The following PDXDC1 variants were observed in gnomAD, a reference collection of about 807,000 sequenced individuals.
PDXDC1 encodes pyridoxal dependent decarboxylase domain containing 1, also known as pyridoxal-dependent decarboxylase domain-containing protein 1.
Under a neutral mutation model 100.1 loss-of-function variants are expected in PDXDC1, and 42 were observed. That is an observed-to-expected ratio of 0.42 (90% CI 0.33 to 0.54). PDXDC1 has a LOEUF of 0.54. PDXDC1 is among the 20% of genes least tolerant of loss of function. The probability of loss-of-function intolerance (pLI) is 0.10; values close to 1 mark genes in which losing one functional copy is unlikely to be tolerated. For missense variants in PDXDC1, 636 were observed against 979.2 expected, an observed-to-expected ratio of 0.65 and a Z score of 4.68; for synonymous variants, 260 against 371.7, an observed-to-expected ratio of 0.70 and a Z score of 3.46.
chr16:14,983,970 C>T (rs1438991744), intron 1 of PDXDC1, among the ~76,000 whole-genome samples: 1 of 152,362 alleles, frequency 6.6e-6, no homozygotes, highest in Non-Finnish European at 1.5e-5. Flanking sequence ...TGAGGGCAGC[C>T]AGGGCAACAC....
chr16:15,083,865 C>T lies in PDXDC1; in HGVS notation c.1399+53809C>T, dbSNP rs533252380. ...CCAAACAGCTGGGATTACAGGCATG[C>T]GCCACCATGCCCAGCTAATTTTGTA... is the stretch of plus-strand genomic sequence containing the variant. On this transcript the variant is annotated intron_variant, in intron 16 of 16. Coordinates refer to the PDXDC1 transcript ENST00000535621. 5.5e-4 allele frequency: 170 copies of T among 311,816 alleles called. 1 individual carries two copies. The highest frequency in any genetic ancestry group is 3.4e-3 in the South Asian group (109 of 31,754). 19.3% of individuals were successfully genotyped at this position (311,816 alleles called of 1,614,324 possible).
At chr16:14,991,113 C>T (rs1454711941) in intron 1 of PDXDC1, among the ~76,000 whole-genome samples, 1 of 152,288 alleles carries the variant, frequency 6.6e-6, no homozygotes, top group Non-Finnish European at 1.5e-5. Flanking sequence ...GTCAGAGATT[C>T]ACCTGGGGAT....
chr16:15,027,738 G>A (rs1317627753), intron 14 of PDXDC1, among the ~76,000 whole-genome samples: 9 of 152,286 alleles, frequency 5.9e-5, no homozygotes, highest in Non-Finnish European at 8.8e-5. Context: ...ATGACCAGCC[G>A]CTTGTGTCTT....
intron 10 of PDXDC1, 60 bp from the exon 11 acceptor site, chr16:15,017,261 G>C (rs1318991758): frequency 1.2e-6 from 2 of 1,601,664 alleles, no homozygotes; most frequent in Non-Finnish European, 1.7e-6. Context: ...TATGAATGGA[G>C]GAGGGTGTTA....
At chr16:15,109,601 G>A (rs892762697) in intron 16 of PDXDC1, among the ~76,000 whole-genome samples, 2 of 129,810 alleles carry the variant, frequency 1.5e-5, no homozygotes, top group Non-Finnish European at 3.2e-5. Flanking sequence ...AGGTTGCAGT[G>A]AGCCAAGATC....
chr16:15,144,102 G>A (rs923998960), downstream of PDXDC1, among the ~76,000 whole-genome samples: 8 of 152,278 alleles, frequency 5.3e-5, no homozygotes, highest in Admixed American at 6.5e-5. Context: ...TCTCCTGGAG[G>A]AGCCGGTTCC....
chr16:14,993,038 C>T (rs1281554139), intron 1 of PDXDC1, among the ~76,000 whole-genome samples: 1 of 152,218 alleles, frequency 6.6e-6, no homozygotes, highest in Non-Finnish European at 1.5e-5. Flanking sequence ...CACTATGTTG[C>T]CCAAGCTGAT....
At chr16:15,032,537 C>G (rs2043127893) in intron 17 of PDXDC1, 1 of 218,880 alleles carries the variant, frequency 4.6e-6, no homozygotes, top group Admixed American at 5.5e-5. Flanking sequence ...ACCTGTAGTC[C>G]CAGCTACTCG....
chr16:15,089,832 C>T (rs1289621496), intron 16 of PDXDC1, among the ~76,000 whole-genome samples: 1 of 137,170 alleles, frequency 7.3e-6, no homozygotes, highest in East Asian at 2.2e-4. Flanking sequence ...GATCAGGAGA[C>T]AGGAGGATCA....
chr16:14,980,330 C>T (rs746952217), intron 1 of PDXDC1, among the ~76,000 whole-genome samples: 25 of 152,356 alleles, frequency 1.6e-4, no homozygotes, highest in Non-Finnish European at 3.4e-4. Flanking sequence ...GAATCTTGCT[C>T]TGTCACCCAG....
At chr16:14,983,127 A>G (rs1321467130) in intron 1 of PDXDC1, among the ~76,000 whole-genome samples, 7 of 152,256 alleles carry the variant, frequency 4.6e-5, no homozygotes, top group Non-Finnish European at 1.0e-4. Context: ...ATAAGTCCTA[A>G]AAGTCCCCCA....
intron 16 of PDXDC1, among the ~76,000 whole-genome samples, chr16:15,096,393 GC>G (rs1410557178): frequency 1.3e-5 from 2 of 152,152 alleles, no homozygotes; most frequent in East Asian, 3.9e-4. Flanking sequence ...ACAGGCATGA[GC>G]CACCACGCCC....
intron 16 of PDXDC1, chr16:15,134,363 T>C: frequency 1.5e-6 from 1 of 662,290 alleles, no homozygotes; most frequent in Non-Finnish European, 2.7e-6. Flanking sequence ...GGGAGTGGGG[T>C]TACCTCCAAC....
At chr16:15,071,121 A>G (rs747618685) in intron 16 of PDXDC1, 5 of 1,606,298 alleles carry the variant, frequency 3.1e-6, no homozygotes, top group East Asian at 2.2e-5. Context: ...GGCTACTTAC[A>G]TAAGAGGAAT....
intron 16 of PDXDC1, chr16:15,073,034 T>C (rs2941256): frequency 0.1 from 161,543 of 1,612,860 alleles, 9,043 homozygotes; most frequent in Non-Finnish European, 0.11. Flanking sequence ...CAAAGATGTT[T>C]ATCAGGTCGC....
intron 16 of PDXDC1, chr16:15,132,810 G>A (rs1295863313): frequency 7.4e-6 from 10 of 1,342,400 alleles, no homozygotes; most frequent in Middle Eastern, 2.5e-4. Context: ...ATGTTCTTGC[G>A]TATCTGGGCT....
chr16:15,144,572 C>CGGACACGGGGTGTGAGACTA, the PDXDC1 span, among the ~76,000 whole-genome samples: 4 of 152,116 alleles, frequency 2.6e-5, no homozygotes, highest in Admixed American at 6.5e-5. Context: ...CTCTGGGTCC[C>CGGACACGGGGTGTGAGACTA]GGACACGGGG....
intron 16 of PDXDC1, among the ~76,000 whole-genome samples, chr16:15,093,161 T>C (rs955384040): frequency 2.0e-5 from 3 of 152,094 alleles, no homozygotes; most frequent in African/African-American, 4.8e-5. Flanking sequence ...CCTGCCACCA[T>C]GCCCGGCTGA....
chr16:15,001,708 A>C, intron 3 of PDXDC1, 68 bp from the exon 4 acceptor site: 1 of 1,366,300 alleles, frequency 7.3e-7, no homozygotes, highest in Non-Finnish European at 1.0e-6. Flanking sequence ...TGAATGAGGG[A>C]AGTAGCGGGA....
Sources: allele counts gnomAD v4.1 joint callset (sites outside exome capture counted in the v4.1 genomes callset), GRCh38; gene constraint gnomAD v4.1.1; transcripts MANE v1.5; gene names NCBI Gene and HGNC (gene_info 2026-07-23, HGNC 2026-07-21).